Variants in SFPQ observed in about 807,000 individuals in gnomAD.
SFPQ encodes the protein splicing factor proline and glutamine rich.
SFPQ carries 11 observed loss-of-function variants against 72.9 expected under a neutral mutation model. The observed-to-expected ratio is 0.15, with a 90% CI of 0.09 to 0.25. The LOEUF (loss-of-function observed/expected upper bound fraction) is 0.25, where lower values mean the gene tolerates loss of function less well. SFPQ is among the 10% of genes least tolerant of loss of function. The pLI, the probability that SFPQ is intolerant of heterozygous loss-of-function variation, is 1.00. For missense variants in SFPQ, 847 were observed against 993.3 expected (o/e 0.85, Z 1.98); for synonymous variants, 506 against 367.3 (o/e 1.38, Z -4.32).
chr1:35,183,763 A>C lies in SFPQ; in HGVS notation c.*693T>G. ...TAAAGGATAGATCATAGGGCCATAAAAGATCCATTTAATCAAACCCACTTT... is the reference window on the plus strand; with the variant it reads ...TAAAGGATAGATCATAGGGCCATAACAGATCCATTTAATCAAACCCACTTT... On this transcript the variant is annotated 3_prime_UTR_variant, in exon 10 of 10. Coordinates refer to ENST00000357214, the MANE Select transcript of SFPQ (RefSeq NM_005066.3). 1 of 1,052,708 alleles carries C rather than the reference A, an allele frequency of 9.5e-7. No individual in the cohort carries two copies. The highest frequency in any genetic ancestry group is 1.1e-6 in the Non-Finnish European group (1 of 871,018). The allele number at this position is 1,052,708 out of a possible 1,614,324, so 65.2% of individuals were successfully genotyped here. A position where few individuals can be genotyped will look rare whatever the true frequency, so the allele number is the denominator to read the frequency against.
chr1:35,187,334 A>G (rs113612711), intron 7 of SFPQ, 83 bp from the exon 8 acceptor site: 24,473 of 1,264,170 alleles, frequency 0.019, 288 homozygotes, highest in Non-Finnish European at 0.023. Flanking sequence ...TTCAAGAGTT[A>G]AATAAAAAAC....
Position 35,184,130 on chromosome 1 carries a change from TTTTC to T in SFPQ, c.*322_*325del. On this transcript the variant is annotated 3_prime_UTR_variant, in exon 10 of 10. Coordinates refer to ENST00000357214, the MANE Select transcript of SFPQ (RefSeq NM_005066.3). ...AGTTGAAGATCAATATTATAACTATTTTTCTATTTATTTGAAGCACAGTAAAAAA... is the reference window on the plus strand; with the variant it reads ...AGTTGAAGATCAATATTATAACTATTTATTTATTTGAAGCACAGTAAAAAA... 8.8e-7 allele frequency: 1 copy of T among 1,140,020 alleles called. No homozygotes were observed. 70.6% of individuals were successfully genotyped at this position (1,140,020 alleles called of 1,614,324 possible). A position where few individuals can be genotyped will look rare whatever the true frequency, so the allele number is the denominator to read the frequency against.
chr1:35,181,827 C>A, downstream of SFPQ: 1 of 984,584 alleles, frequency 1.0e-6, no homozygotes, highest in Non-Finnish European at 1.2e-6. Flanking sequence ...TAAAAACTAT[C>A]ATATATACAT....
rs912720388 is a variant in SFPQ at position 35,192,671 on chromosome 1, C to G, written c.379G>C (p.Ala127Pro). The G allele has an allele frequency of 1.1e-5, 15 of 1,403,840 alleles. No individual in the cohort carries two copies. Among genetic ancestry groups the G allele is most frequent in the Non-Finnish European group, 1.3e-5 (14 of 1,087,666 alleles). 87.0% of individuals were successfully genotyped at this position (1,403,840 alleles called of 1,614,324 possible). A position where few individuals can be genotyped will look rare whatever the true frequency, so the allele number is the denominator to read the frequency against. Reference sequence around the variant, plus strand: ...GTGGCGGGCGGGGCCGAGCTGGAGGCTGGTGGTGCGCTGCCTACTCCGGGA... The same window carrying G: ...GTGGCGGGCGGGGCCGAGCTGGAGGGTGGTGGTGCGCTGCCTACTCCGGGA... ...PAPGVGSAPPASSSAPPATPP... is the reference protein window; with the variant it reads ...PAPGVGSAPPPSSSAPPATPP... The change falls in exon 1 of 10, where the codon GCC (alanine) becomes CCC (proline). Residue 127 changes from alanine to proline, a missense_variant. This residue lies in a region of SFPQ where 498 missense variants were observed against 405.1 expected (regional missense o/e 1.23). Transcript: ENST00000357214.
At chr1:35,190,262 G>A (rs1002309389) in intron 4 of SFPQ, among the ~76,000 whole-genome samples, 11 of 152,210 alleles carry the variant, frequency 7.2e-5, no homozygotes, top group African/African-American at 2.7e-4. Flanking sequence ...TCACACACGT[G>A]ACTTTATGCC....
chr1:35,185,177 G>A (rs1423341672), intron 9 of SFPQ, among the ~76,000 whole-genome samples: 1 of 152,192 alleles, frequency 6.6e-6, no homozygotes, highest in Non-Finnish European at 1.5e-5. Flanking sequence ...AAAAGCATAA[G>A]ACTATAGATT....
intron 6 of SFPQ, among the ~76,000 whole-genome samples, chr1:35,188,509 A>G (rs1639837978): frequency 6.6e-6 from 1 of 152,156 alleles, no homozygotes; most frequent in African/African-American, 2.4e-5. Flanking sequence ...CTCCATCTCC[A>G]CAAATACAAA....
At chr1:35,177,765 T>G (rs982517995) in intron 4 of SFPQ, 1 of 176,234 alleles carries the variant, frequency 5.7e-6, no homozygotes, top group African/African-American at 2.4e-5. Context: ...CTATGACCGT[T>G]ATATAACCAT....
chr1:35,184,809 T>C (rs1467653245), intron 9 of SFPQ, among the ~76,000 whole-genome samples: 1 of 152,240 alleles, frequency 6.6e-6, no homozygotes, highest in Non-Finnish European at 1.5e-5. Context: ...GCCATTCTCA[T>C]ACACCTGTTT....
chr1:35,182,281 CCTTT>C, downstream of SFPQ: 1 of 985,262 alleles, frequency 1.0e-6, no homozygotes, highest in Non-Finnish European at 1.2e-6. Context: ...GTAATGGATT[CCTTT>C]CTAATCAAGA....
chr1:35,182,339 T>A (rs1404145475), downstream of SFPQ: 1 of 985,320 alleles, frequency 1.0e-6, no homozygotes, highest in Admixed American at 6.1e-5. Context: ...CACCAATTAA[T>A]AACCTGTTTG....
rs1639798844 is a variant in SFPQ, at chr1:35,187,837, A to C, written c.1815+136T>G. The C allele has an allele frequency of 4.5e-6, 3 of 665,300 alleles. No individual in the cohort carries two copies. In the Admixed American group the frequency reaches 7.3e-5, roughly 16 times the overall value. 41.2% of individuals were successfully genotyped at this position (665,300 alleles called of 1,614,324 possible). A position where few individuals can be genotyped will look rare whatever the true frequency, so the allele number is the denominator to read the frequency against. ...TAAATCCTCTGACCCATACAAGGAA[A>C]TCAAACATAATATACTTTGTTAGAA... is the stretch of plus-strand genomic sequence containing the variant. On this transcript the variant is annotated intron_variant, in intron 7 of 9. Transcript: ENST00000357214.
chr1:35,192,202 T>C lies in SFPQ; in HGVS notation c.828+20A>G. 3 of 1,385,196 alleles carry C rather than the reference T, an allele frequency of 2.2e-6. No individual in the cohort carries two copies. Among genetic ancestry groups the C allele is most frequent in the Non-Finnish European group, 2.8e-6 (3 of 1,075,074 alleles). 85.8% of individuals were successfully genotyped at this position (1,385,196 alleles called of 1,614,324 possible). A position where few individuals can be genotyped will look rare whatever the true frequency, so the allele number is the denominator to read the frequency against. ...CCGCCATCTTAGGGGAGCCGACGCG[T>C]CGCTCCCATAGACACTCACCTCCGA... is the stretch of plus-strand genomic sequence containing the variant. On this transcript the variant is annotated intron_variant, in intron 1 of 9. Transcript: ENST00000357214.
At chr1:35,180,795 C>G (rs998168858), downstream of SFPQ, 7 of 1,062,998 alleles carry the variant, frequency 6.6e-6, no homozygotes, top group Middle Eastern at 1.7e-3. Flanking sequence ...CTAAAAGCAC[C>G]CTAGTTCCCA....
intron 9 of SFPQ, among the ~76,000 whole-genome samples, chr1:35,185,498 G>A (rs1296291425): frequency 1.3e-5 from 2 of 152,112 alleles, no homozygotes; most frequent in Non-Finnish European, 2.9e-5. Context: ...CTAGTTTTAG[G>A]TAATTCTGGA....
downstream of SFPQ, chr1:35,177,961 G>C (rs1229194254): frequency 5.3e-6 from 6 of 1,122,908 alleles, no homozygotes; most frequent in Non-Finnish European, 6.9e-6. Flanking sequence ...AAAGCCTGTA[G>C]GGGTTAAGAT....
Position 35,193,012 on chromosome 1 carries a change from C to T in SFPQ, c.38G>A (p.Gly13Asp), listed in dbSNP as rs1480573348. ...RDRFRSRGGG[G>D]GGFHRRGGGG... ...TCCTCCACGCCTGTGGAAGCCACCA[C>T]CGCCACCGCCACGACTCCGGAACCG... The change falls in exon 1 of 10, where the codon GGT (glycine) becomes GAT (aspartate). Residue 13 changes from glycine (G) to aspartate (D), a missense_variant. Gly to Asp is a moderately conservative substitution (Grantham distance 94). Around this residue, in one of 6 missense-constraint regions of SFPQ, gnomAD observed 19 missense variants for 43.8 expected, o/e 0.43. Coordinates refer to ENST00000357214, the MANE Select transcript of SFPQ (RefSeq NM_005066.3). The T allele has an allele frequency of 3.2e-6, 5 of 1,579,186 alleles. No homozygotes were observed. Among genetic ancestry groups the T allele is most frequent in the Non-Finnish European group, 4.3e-6 (5 of 1,171,140 alleles).
intron 5 of SFPQ, chr1:35,176,579 T>A (rs1488462661): frequency 6.6e-6 from 1 of 152,110 alleles, no homozygotes; most frequent in African/African-American, 2.4e-5. Context: ...CAAAGAAATC[T>A]TATTAATCGG....
At position 35,190,909 on chromosome 1, in the gene SFPQ, T is replaced by C. The variant is rs1223181902; in HGVS notation, c.1104A>G (p.Thr368=). The change falls in exon 3 of 10, where the codon ACA becomes ACG. Residue 368 remains threonine, a synonymous_variant. Coordinates refer to ENST00000357214, the MANE Select transcript of SFPQ (RefSeq NM_005066.3). ...TACGAACAGAAAGGGCAGCAGCATGTGTGGCAAAGCGAACTCGAAGCTGTC... is the reference window on the plus strand; with the variant it reads ...TACGAACAGAAAGGGCAGCAGCATGCGTGGCAAAGCGAACTCGAAGCTGTC... ...RGRQLRVRFA[T]HAAALSVRNL... is the part of the protein sequence containing the mutation. The C allele has an allele frequency of 5.6e-6, 9 of 1,614,174 alleles. No homozygotes were observed. Among genetic ancestry groups the C allele is most frequent in the Admixed American group, 3.3e-5 (2 of 60,028 alleles).
Sources: gnomAD v4.1 joint callset for allele counts (sites outside exome capture counted in the v4.1 genomes callset) on GRCh38, gnomAD v4.1.1 for gene constraint, gnomAD v4.1.1 regional missense constraint, MANE v1.5 for transcripts, NCBI Gene and HGNC (gene_info 2026-07-23, HGNC 2026-07-21) for gene names.